Variants in SLC16A10 observed in about 807,000 individuals in gnomAD.
SLC16A10 encodes the protein monocarboxylate transporter 10.
SLC16A10 carries 27 observed loss-of-function variants against 40.0 expected under a neutral mutation model. That is an observed-to-expected ratio of 0.67 (90% CI 0.50 to 0.93). The LOEUF (loss-of-function observed/expected upper bound fraction) is 0.93. Among genes scored for constraint, SLC16A10 ranks in the 40% least tolerant of loss-of-function variants. The probability of loss-of-function intolerance (pLI) is 0.00; values close to 1 mark genes in which losing one functional copy is unlikely to be tolerated. For missense variants in SLC16A10, 529 were observed against 658.2 expected, an observed-to-expected ratio of 0.80 and a Z score of 2.15; for synonymous variants, 213 against 249.8, an observed-to-expected ratio of 0.85 and a Z score of 1.39.
chr6:111,191,395 A>G (rs1320066972), intron 3 of SLC16A10, among the ~76,000 whole-genome samples: 1 of 152,164 alleles, frequency 6.6e-6, no homozygotes, highest in Non-Finnish European at 1.5e-5. Flanking sequence ...TATATGTGCC[A>G]CTTTTTCTTT....
chr6:111,207,502 C>T (rs1381493118), intron 4 of SLC16A10, among the ~76,000 whole-genome samples: 1 of 152,212 alleles, frequency 6.6e-6, no homozygotes, highest in African/African-American at 2.4e-5. Flanking sequence ...ACACACTCTG[C>T]TAAATGCTGA....
intron 1 of SLC16A10, among the ~76,000 whole-genome samples, chr6:111,101,487 G>A (rs1317246811): frequency 1.3e-5 from 2 of 152,220 alleles, no homozygotes; most frequent in African/African-American, 2.4e-5. Flanking sequence ...GCAGCAAAAT[G>A]TATGGATAAG....
intron 4 of SLC16A10, among the ~76,000 whole-genome samples, chr6:111,211,292 G>GA (rs1180630988): frequency 1.3e-5 from 2 of 152,220 alleles, no homozygotes; most frequent in East Asian, 3.9e-4. Flanking sequence ...ACCCTAGATA[G>GA]GGCAGACAGA....
chr6:111,181,076 G>C (rs1053133176), intron 3 of SLC16A10, among the ~76,000 whole-genome samples: 1 of 151,972 alleles, frequency 6.6e-6, no homozygotes, highest in African/African-American at 2.4e-5. Context: ...TTAGCTGGAC[G>C]TGATTGCTTG....
intron 1 of SLC16A10, among the ~76,000 whole-genome samples, chr6:111,113,579 T>A (rs771004494): frequency 2.0e-5 from 3 of 152,220 alleles, no homozygotes; most frequent in Non-Finnish European, 4.4e-5. Flanking sequence ...CAAAATCTAG[T>A]ACTGAGTGGT....
intron 1 of SLC16A10, among the ~76,000 whole-genome samples, chr6:111,096,201 T>G (rs1771071857): frequency 2.0e-5 from 3 of 152,248 alleles, no homozygotes; most frequent in African/African-American, 7.2e-5. Context: ...CTTTAGAATA[T>G]TCTCTCAATA....
chr6:111,153,083 A>G (rs971868856), intron 1 of SLC16A10, among the ~76,000 whole-genome samples: 1 of 152,224 alleles, frequency 6.6e-6, no homozygotes, highest in Admixed American at 6.5e-5. Context: ...CTGAGAGCCA[A>G]TAGGGTGGAA....
At chr6:111,135,735 A>G (rs1771866520) in intron 1 of SLC16A10, among the ~76,000 whole-genome samples, 2 of 152,202 alleles carry the variant, frequency 1.3e-5, no homozygotes, top group African/African-American at 2.4e-5. Flanking sequence ...GCCAGTTCTC[A>G]TACCTGGATA....
Position 111,088,062 on chromosome 6 carries a change from T to A in SLC16A10, c.310T>A (p.Ser104Thr). 6.2e-7 allele frequency: 1 copy of A among 1,608,198 alleles called. No individual in the cohort carries two copies. The highest frequency in any genetic ancestry group is 8.5e-7 in the Non-Finnish European group (1 of 1,177,506). The change falls in exon 1 of 6, where the codon TCC (serine) becomes ACC (threonine). Residue 104 changes from serine to threonine, a missense_variant. Physicochemically the swap from Ser to Thr is moderately conservative, Grantham distance 58 (BLOSUM62 1). Transcript: ENST00000368851. ...CGTGTCCATGCTGGAAACCTTCGGC[T>A]CCAAAGACGATGACAAGATGGTCTT... ...LFVSMLETFG[S>T]KDDDKMVFKT...
chr6:111,174,222 C>A (rs1208351981), intron 2 of SLC16A10, among the ~76,000 whole-genome samples: 1 of 152,186 alleles, frequency 6.6e-6, no homozygotes, highest in Admixed American at 6.5e-5. Flanking sequence ...TTTCCTGCCT[C>A]TTTCCTGTCC....
chr6:111,166,674 G>T (rs1186721062), intron 1 of SLC16A10, among the ~76,000 whole-genome samples: 1 of 152,210 alleles, frequency 6.6e-6, no homozygotes, highest in African/African-American at 2.4e-5. Flanking sequence ...CTTTGCCCTT[G>T]CAGTCATTTA....
chr6:111,157,879 A>G (rs1772299370), intron 1 of SLC16A10, among the ~76,000 whole-genome samples: 1 of 151,498 alleles, frequency 6.6e-6, no homozygotes, highest in Admixed American at 6.6e-5. Flanking sequence ...CAGTACTATG[A>G]TCCTTCTTAC....
chr6:111,194,944 TC>T (rs1773055782), intron 3 of SLC16A10, among the ~76,000 whole-genome samples: 1 of 152,098 alleles, frequency 6.6e-6, no homozygotes, highest in African/African-American at 2.4e-5. Context: ...TCACCTAATG[TC>T]CCCACCACCC....
chr6:111,119,433 A>G (rs1335566446), intron 1 of SLC16A10, among the ~76,000 whole-genome samples: 2 of 152,226 alleles, frequency 1.3e-5, no homozygotes, highest in Non-Finnish European at 1.5e-5. Context: ...GGAATCTTAC[A>G]CAGTTTTTAT....
chr6:111,196,873 C>T (rs532906971), intron 3 of SLC16A10, among the ~76,000 whole-genome samples: 84 of 152,210 alleles, frequency 5.5e-4, no homozygotes, highest in African/African-American at 1.9e-3. Flanking sequence ...GTATAGGGGA[C>T]TTGATCATCC....
chr6:111,198,507 A>G (rs1773116112), intron 3 of SLC16A10, among the ~76,000 whole-genome samples: 1 of 152,188 alleles, frequency 6.6e-6, no homozygotes, highest in African/African-American at 2.4e-5. Flanking sequence ...TGTAGTCACT[A>G]CATACCTAGG....
chr6:111,223,314 CAT>C lies in SLC16A10; in HGVS notation c.*1082_*1083del, dbSNP rs889996289. On this transcript the variant is annotated 3_prime_UTR_variant, in exon 6 of 6. Transcript: ENST00000368851. The stretch of plus-strand genomic sequence containing the variant: ...GAACTTTCTGGCAAAAATTTGCACT[CAT>C]ATTATTTATCCTATGAACATTCCCA... The C allele has an allele frequency of 6.6e-6, 1 of 152,042 alleles. No homozygotes were observed. The highest frequency in any genetic ancestry group is 2.4e-5 in the African/African-American group (1 of 41,384). The allele number at this position is 152,042 out of a possible 1,614,324, so 9.4% of individuals were successfully genotyped here. A position where few individuals can be genotyped will look rare whatever the true frequency, so the allele number is the denominator to read the frequency against.
chr6:111,150,058 C>T (rs1390170973), intron 1 of SLC16A10, among the ~76,000 whole-genome samples: 1 of 152,172 alleles, frequency 6.6e-6, no homozygotes, highest in African/African-American at 2.4e-5. Flanking sequence ...ATTTGTCTCC[C>T]AAAGTTCATT....
chr6:111,160,582 C>T (rs918454860), intron 1 of SLC16A10, among the ~76,000 whole-genome samples: 3 of 152,244 alleles, frequency 2.0e-5, no homozygotes, highest in African/African-American at 7.2e-5. Context: ...GCACCCCGCT[C>T]ACTTGGTCCA....
Sources: allele counts gnomAD v4.1 joint callset (sites outside exome capture counted in the v4.1 genomes callset), GRCh38; gene constraint gnomAD v4.1.1; transcripts MANE v1.5; gene names NCBI Gene and HGNC (gene_info 2026-07-23, HGNC 2026-07-21).